Variants in OR10R2 observed in about 807,000 individuals in gnomAD.
OR10R2 encodes olfactory receptor family 10 subfamily R member 2, also known as olfactory receptor 10R2.
Under a neutral mutation model 2.4 loss-of-function variants are expected in OR10R2, and 1 was observed. The ratio of observed to expected loss-of-function variants is 0.41; its 90% CI spans 0.15 to 1.95. The LOEUF (loss-of-function observed/expected upper bound fraction) is 1.95, where lower values mean the gene tolerates loss of function less well. OR10R2 is among the 30% of genes most tolerant of loss of function. The probability of loss-of-function intolerance (pLI) is 0.30; values close to 1 mark genes in which losing one functional copy is unlikely to be tolerated. For missense variants in OR10R2, 419 were observed against 373.0 expected (o/e 1.12, Z -1.01); for synonymous variants, 166 against 144.8 (o/e 1.15, Z -1.05).
intron 1 of OR10R2, among the ~76,000 whole-genome samples, chr1:158,476,678 G>A (rs572248255): frequency 6.6e-6 from 1 of 152,016 alleles, no homozygotes; most frequent in African/African-American, 2.4e-5. Context: ...TTTGATCAAT[G>A]TTTGTGAGCA....
exon 2 of OR10R2, chr1:158,480,633 G>C: frequency 6.2e-7 from 1 of 1,613,816 alleles, no homozygotes; most frequent in Non-Finnish European, 8.5e-7. Flanking sequence ...CCTCAGCTGA[G>C]GGCAGACGGA....
intron 1 of OR10R2, among the ~76,000 whole-genome samples, chr1:158,474,249 A>G (rs1291499834): frequency 6.6e-6 from 1 of 152,006 alleles, no homozygotes; most frequent in Admixed American, 6.6e-5. Context: ...CATGCCTCCT[A>G]TTCTCAGGCC....
At chr1:158,479,506 T>G (rs964656233) in intron 1 of OR10R2, among the ~76,000 whole-genome samples, 2 of 152,222 alleles carry the variant, frequency 1.3e-5, no homozygotes, top group Non-Finnish European at 2.9e-5. Context: ...AATATCATTT[T>G]TAGATTTTTT....
At chr1:158,480,879 T>C (rs755235924) in exon 2 of OR10R2, 3 of 1,292,712 alleles carry the variant, frequency 2.3e-6, no homozygotes, top group Middle Eastern at 2.5e-4. Context: ...TAAAACTATA[T>C]AATTGAAATA....
chr1:158,480,592 C>T (rs1418843), exon 2 of OR10R2: 720,833 of 1,612,544 alleles, frequency 0.45, 162,767 homozygotes, highest in East Asian at 0.56. Flanking sequence ...TGTTTCTTAT[C>T]TCTGCATTCT....
intron 1 of OR10R2, among the ~76,000 whole-genome samples, chr1:158,473,272 C>T (rs751668592): frequency 2.6e-5 from 4 of 152,094 alleles, no homozygotes; most frequent in African/African-American, 7.2e-5. Context: ...GTGCATGATA[C>T]GGAAACTTTT....
At chr1:158,480,134 T>A in exon 2 of OR10R2, 1 of 1,613,886 alleles carries the variant, frequency 6.2e-7, no homozygotes, top group Non-Finnish European at 8.5e-7. Context: ...CTTGGCATTC[T>A]CTCAACATCT....
At chr1:158,478,761 G>T (rs1004393679) in intron 1 of OR10R2, among the ~76,000 whole-genome samples, 3 of 152,070 alleles carry the variant, frequency 2.0e-5, no homozygotes, top group African/African-American at 7.2e-5. Context: ...GATAATTCTA[G>T]TCACTTCAGA....
In OR10R2 at chr1:158,477,054, ATGT is replaced by A. The variant is rs1432022930; in HGVS notation, c.28-2883_28-2881del. On this transcript the variant is annotated intron_variant, in intron 1 of 1. Coordinates refer to ENST00000641067, the Ensembl canonical transcript of OR10R2. The stretch of plus-strand genomic sequence containing the variant: ...TGGTTCAATATTTGAAAATCAATAA[ATGT>A]AATTCATGACATAAACAATTAGAAA... Among the ~76,000 whole-genome samples the A allele has an allele frequency of 5.3e-5, 8 of 151,996 alleles. 1 individual carries two copies. The highest frequency in any genetic ancestry group is 5.2e-4 in the Admixed American group (8 of 15,272).
intron 1 of OR10R2, among the ~76,000 whole-genome samples, chr1:158,476,141 T>C (rs1656263169): frequency 6.6e-6 from 1 of 152,170 alleles, no homozygotes; most frequent in African/African-American, 2.4e-5. Flanking sequence ...TTAATAGTAT[T>C]TTCAAATTAT....
At position 158,472,251 on chromosome 1, in the gene OR10R2, T is replaced by C. The variant is rs892538132; in HGVS notation, c.-75T>C. The C allele has an allele frequency of 2.5e-6, 1 of 398,900 alleles. No individual in the cohort carries two copies. Among genetic ancestry groups the C allele is most frequent in the East Asian group, 3.6e-5 (1 of 28,062 alleles). 24.7% of individuals were successfully genotyped at this position (398,900 alleles called of 1,614,324 possible). On this transcript the variant is annotated 5_prime_UTR_variant, in exon 1 of 2. It removes an upstream start codon present in the reference 5' UTR. Transcript: ENST00000641067. Reference sequence around the variant, plus strand: ...ATTACCAAGCAGGCATTGATGCTAATGTGAACCAGAAAAAAAGCTCCTTAA... The same window carrying C: ...ATTACCAAGCAGGCATTGATGCTAACGTGAACCAGAAAAAAAGCTCCTTAA...
chr1:158,473,268 G>T (rs1489631049), intron 1 of OR10R2, among the ~76,000 whole-genome samples: 1 of 152,156 alleles, frequency 6.6e-6, no homozygotes, highest in African/African-American at 2.4e-5. Flanking sequence ...TTTGGTGCAT[G>T]ATACGGAAAC....
chr1:158,477,754 A>C (rs1656296444), intron 1 of OR10R2, among the ~76,000 whole-genome samples: 1 of 152,200 alleles, frequency 6.6e-6, no homozygotes, highest in Non-Finnish European at 1.5e-5. Flanking sequence ...ATTCAATGCT[A>C]TTCCTATCAA....
At chr1:158,477,877 G>A (rs759595671) in intron 1 of OR10R2, among the ~76,000 whole-genome samples, 1 of 152,086 alleles carries the variant, frequency 6.6e-6, no homozygotes, top group Non-Finnish European at 1.5e-5. Flanking sequence ...AAGCCAGAGA[G>A]AAGCATCATA....
chr1:158,476,344 GA>G (rs1282323377), intron 1 of OR10R2, among the ~76,000 whole-genome samples: 1 of 151,780 alleles, frequency 6.6e-6, no homozygotes, highest in African/African-American at 2.4e-5. Flanking sequence ...TCAGGAGATC[GA>G]GATCATCCTG....
chr1:158,480,254 G>A (rs377353823), exon 2 of OR10R2: 12 of 1,613,812 alleles, frequency 7.4e-6, no homozygotes, highest in African/African-American at 2.7e-5. Flanking sequence ...TTCTTCCTTG[G>A]TTTTGCCATT....
intron 1 of OR10R2, among the ~76,000 whole-genome samples, chr1:158,473,420 CTGTTGTAT>C (rs1002658176): frequency 3.3e-5 from 5 of 152,156 alleles, no homozygotes; most frequent in African/African-American, 4.8e-5. Flanking sequence ...GGTTTGTTCA[CTGTTGTAT>C]CTCAAACACC....
chr1:158,478,600 T>G (rs1481195768), intron 1 of OR10R2, among the ~76,000 whole-genome samples: 1 of 152,170 alleles, frequency 6.6e-6, no homozygotes, highest in East Asian at 1.9e-4. Context: ...TTTCATTTTT[T>G]CATAAACCAT....
At chr1:158,479,193 AGACACATTTG>A (rs1656328981) in intron 1 of OR10R2, among the ~76,000 whole-genome samples, 1 of 152,192 alleles carries the variant, frequency 6.6e-6, no homozygotes, top group South Asian at 2.1e-4. Flanking sequence ...TGATTAAACT[AGACACATTTG>A]GGCAATTCTG....
Sources: gnomAD v4.1 joint callset for allele counts (sites outside exome capture counted in the v4.1 genomes callset) on GRCh38, gnomAD v4.1.1 for gene constraint, MANE v1.5 for transcripts, NCBI Gene and HGNC (gene_info 2026-07-23, HGNC 2026-07-21) for gene names.